The following URI1 variants were observed in gnomAD, a reference collection of about 807,000 sequenced individuals.
URI1 encodes unconventional prefoldin RPB5 interactor 1.
A neutral mutation model predicts 60.2 loss-of-function variants in URI1; 39 were observed. That is an observed-to-expected ratio of 0.65 (90% CI 0.50 to 0.85). The LOEUF is 0.85. Among genes scored for constraint, URI1 ranks in the 40% least tolerant of loss-of-function variants. The probability of loss-of-function intolerance (pLI) is 0.00; values close to 1 mark genes in which losing one functional copy is unlikely to be tolerated. For synonymous variants in URI1, 251 were observed against 236.8 expected (o/e 1.06, Z -0.55); for missense variants, 691 against 665.9 (o/e 1.04, Z -0.42).
intron 4 of URI1, among the ~76,000 whole-genome samples, chr19:29,995,096 T>G (rs1171930242): frequency 6.6e-6 from 1 of 152,112 alleles, no homozygotes; most frequent in Non-Finnish European, 1.5e-5. Context: ...GTTGTATTTT[T>G]TAAGGAACCT....
chr19:29,981,241 A>G (rs1022779210), intron 2 of URI1, among the ~76,000 whole-genome samples: 4 of 152,140 alleles, frequency 2.6e-5, no homozygotes, highest in Non-Finnish European at 4.4e-5. Context: ...TTGATCACCT[A>G]TCTGTCTGTA....
At chr19:29,940,367 G>A (rs1407899117), upstream of URI1, among the ~76,000 whole-genome samples, 3 of 152,194 alleles carry the variant, frequency 2.0e-5, no homozygotes. Flanking sequence ...AACCTTCTCA[G>A]GAGAGGCGTG....
At chr19:29,946,604 T>A (rs2055106246) in intron 1 of URI1, among the ~76,000 whole-genome samples, 1 of 152,174 alleles carries the variant, frequency 6.6e-6, no homozygotes, top group Non-Finnish European at 1.5e-5. Flanking sequence ...TATAGATCCT[T>A]GGGGAATTAA....
At chr19:29,968,559 T>G (rs902456958) in intron 1 of URI1, among the ~76,000 whole-genome samples, 1 of 124,146 alleles carries the variant, frequency 8.1e-6, no homozygotes. Flanking sequence ...AATTTACTAA[T>G]TTTTTCTTTT....
intron 2 of URI1, among the ~76,000 whole-genome samples, chr19:29,980,622 A>C: frequency 6.9e-6 from 1 of 145,158 alleles, no homozygotes; most frequent in African/African-American, 2.5e-5. Flanking sequence ...TAAAAAAAAA[A>C]AAAAAAAAAA....
At chr19:29,973,967 T>C (rs924659810) in intron 2 of URI1, among the ~76,000 whole-genome samples, 12 of 152,172 alleles carry the variant, frequency 7.9e-5, no homozygotes, top group African/African-American at 2.9e-4. Flanking sequence ...GTTACCTCCT[T>C]AAAGTATGAG....
At chr19:29,956,905 C>T in intron 1 of URI1, 3 of 1,205,146 alleles carry the variant, frequency 2.5e-6, no homozygotes, top group Non-Finnish European at 3.7e-6. Flanking sequence ...CTCTGGGGCC[C>T]TTTATGATAA....
chr19:29,990,292 G>A (rs1194913220), intron 4 of URI1, among the ~76,000 whole-genome samples: 1 of 152,170 alleles, frequency 6.6e-6, no homozygotes, highest in Non-Finnish European at 1.5e-5. Context: ...ATTCATTGCT[G>A]GTGGGACTGT....
chr19:30,008,555 G>A (rs1018211633), intron 7 of URI1, among the ~76,000 whole-genome samples: 5 of 151,810 alleles, frequency 3.3e-5, no homozygotes, highest in African/African-American at 7.3e-5. Context: ...AGATATATTC[G>A]TGTGCATATG....
intron 1 of URI1, among the ~76,000 whole-genome samples, chr19:29,960,369 A>G (rs1274989766): frequency 6.6e-6 from 1 of 152,140 alleles, no homozygotes; most frequent in East Asian, 1.9e-4. Flanking sequence ...TTATTGAGAT[A>G]TGTATTAAAA....
chr19:29,924,641 G>A (rs77203076), intron 1 of URI1, among the ~76,000 whole-genome samples: 10 of 152,268 alleles, frequency 6.6e-5, no homozygotes, highest in African/African-American at 2.4e-4. Context: ...ATCAGAGGCT[G>A]TCCTGTGAGC....
intron 1 of URI1, 66 bp from the exon 2 acceptor site, chr19:29,971,127 C>T: frequency 6.7e-7 from 1 of 1,488,898 alleles, no homozygotes; most frequent in Non-Finnish European, 9.3e-7. Flanking sequence ...TTTTCAGATA[C>T]ACTGATTTTT....
intron 1 of URI1, among the ~76,000 whole-genome samples, chr19:29,948,997 C>T (rs533011348): frequency 0.017 from 2,412 of 140,682 alleles, 76 homozygotes; most frequent in African/African-American, 0.061. Flanking sequence ...GGCGGCTGGC[C>T]AGGCGGGGGC....
chr19:29,951,062 C>T (rs906366602), intron 1 of URI1, among the ~76,000 whole-genome samples: 7 of 152,156 alleles, frequency 4.6e-5, no homozygotes, highest in Non-Finnish European at 8.8e-5. Flanking sequence ...TGGAGTCCAG[C>T]CTGGGCAACA....
chr19:29,937,316 G>T (rs2054982209), upstream of URI1, among the ~76,000 whole-genome samples: 1 of 152,194 alleles, frequency 6.6e-6, no homozygotes, highest in African/African-American at 2.4e-5. Context: ...GTGTAAGACA[G>T]TTGATTTAAT....
upstream of URI1, chr19:29,937,557 T>A (rs2054984378): frequency 6.6e-6 from 1 of 152,220 alleles, no homozygotes. Context: ...ATCTGTTTGT[T>A]TAGAGACTTT....
At position 29,957,856 on chromosome 19, in the gene URI1, A is replaced by AT. The variant is rs1435794125; in HGVS notation, c.118-13331dup. On this transcript the variant is annotated intron_variant, in intron 1 of 10. Transcript: ENST00000392271. ...TGTGTTAGATTTATTTCTAGATACT[A>AT]TTTTTTGTTGCCTTTTGTAATTTAC... The AT allele has an allele frequency of 2.2e-5, 3 of 138,814 alleles. No homozygotes were observed. The East Asian group carries it at 6.6e-4, about 31-fold the overall frequency. 8.6% of individuals were successfully genotyped at this position (138,814 alleles called of 1,614,324 possible).
intron 4 of URI1, among the ~76,000 whole-genome samples, chr19:30,001,995 G>A (rs967636063): frequency 1.3e-5 from 2 of 151,890 alleles, no homozygotes; most frequent in Non-Finnish European, 2.9e-5. Context: ...TTCCACCAGG[G>A]GGCACGTCCT....
intron 1 of URI1, among the ~76,000 whole-genome samples, chr19:29,945,280 G>A (rs1420875952): frequency 6.6e-6 from 1 of 152,210 alleles, no homozygotes; most frequent in Non-Finnish European, 1.5e-5. Flanking sequence ...TGATTGAGAG[G>A]GGCTGGTAGG....
Sources: allele counts gnomAD v4.1 joint callset (sites outside exome capture counted in the v4.1 genomes callset), GRCh38; gene constraint gnomAD v4.1.1; transcripts MANE v1.5; gene names NCBI Gene and HGNC (gene_info 2026-07-23, HGNC 2026-07-21).